The following PRKN variants were observed in gnomAD, a reference collection of about 807,000 sequenced individuals.
The protein encoded by PRKN is parkin RBR E3 ubiquitin protein ligase.
Under a neutral mutation model 59.5 loss-of-function variants are expected in PRKN, and 56 were observed. The observed-to-expected ratio is 0.94, with a 90% CI of 0.76 to 1.18. PRKN has a LOEUF of 1.18. Among genes scored for constraint, PRKN ranks in the 50% most tolerant of loss-of-function variants. The probability of loss-of-function intolerance (pLI) is 0.00; values close to 1 mark genes in which losing one functional copy is unlikely to be tolerated. For synonymous variants in PRKN, 250 were observed against 222.1 expected, an observed-to-expected ratio of 1.13 and a Z score of -1.12; for missense variants, 657 against 596.4, an observed-to-expected ratio of 1.10 and a Z score of -1.06.
At chr6:161,840,315 C>T (rs1268760770) in intron 6 of PRKN, among the ~76,000 whole-genome samples, 2 of 152,192 alleles carry the variant, frequency 1.3e-5, no homozygotes, top group Non-Finnish European at 2.9e-5. Context: ...TGCATTATTG[C>T]AAAGACCGGG....
intron 7 of PRKN, among the ~76,000 whole-genome samples, chr6:161,748,201 T>G (rs181031237): frequency 2.0e-5 from 3 of 152,338 alleles, no homozygotes; most frequent in African/African-American, 7.2e-5. Context: ...AACCCATGCA[T>G]GCACAATGAA....
intron 4 of PRKN, among the ~76,000 whole-genome samples, chr6:162,068,317 T>C (rs944164419): frequency 1.3e-5 from 2 of 152,228 alleles, no homozygotes; most frequent in African/African-American, 2.4e-5. Flanking sequence ...TGAGACATTA[T>C]ACTTGGCATT....
chr6:161,819,818 T>C (rs765367302), intron 6 of PRKN, among the ~76,000 whole-genome samples: 29 of 152,174 alleles, frequency 1.9e-4, no homozygotes, highest in Non-Finnish European at 3.4e-4. Context: ...GTCCAATCAC[T>C]AAGCATAGCA....
intron 7 of PRKN, among the ~76,000 whole-genome samples, chr6:161,678,452 C>T (rs1411787430): frequency 6.6e-6 from 1 of 150,908 alleles, no homozygotes; most frequent in Non-Finnish European, 1.5e-5. Context: ...AAATTAAGAG[C>T]ATAAAAAGTT....
At chr6:162,662,266 C>CT (rs765923082) in intron 1 of PRKN, among the ~76,000 whole-genome samples, 134 of 137,666 alleles carry the variant, frequency 9.7e-4, no homozygotes, top group East Asian at 2.3e-3. Context: ...AATGAGGTTA[C>CT]TTTTTTTTTT....
At chr6:162,273,203 C>T (rs534449002) in intron 2 of PRKN, among the ~76,000 whole-genome samples, 18 of 151,974 alleles carry the variant, frequency 1.2e-4, no homozygotes, top group East Asian at 5.8e-4. Flanking sequence ...AAAGGAAAAT[C>T]GAAGTTAGTG....
chr6:162,605,179 C>G (rs970860050), intron 1 of PRKN, among the ~76,000 whole-genome samples: 1 of 151,800 alleles, frequency 6.6e-6, no homozygotes. Flanking sequence ...ATTTTCTAAC[C>G]CTGAATATGA....
chr6:161,956,642 T>A (rs1780180187), intron 6 of PRKN, among the ~76,000 whole-genome samples: 1 of 152,204 alleles, frequency 6.6e-6, no homozygotes, highest in Admixed American at 6.5e-5. Flanking sequence ...TGAAATTTAT[T>A]CTTTAATTTC....
intron 5 of PRKN, among the ~76,000 whole-genome samples, chr6:162,034,186 TA>T (rs1783752376): frequency 1.5e-5 from 2 of 133,286 alleles, no homozygotes; most frequent in Non-Finnish European, 3.1e-5. Flanking sequence ...TATATATATA[TA>T]GAGAGAGAGA....
intron 7 of PRKN, among the ~76,000 whole-genome samples, chr6:161,643,427 T>C (rs187269933): frequency 5.8e-4 from 88 of 152,346 alleles, no homozygotes; most frequent in Admixed American, 1.7e-3. Flanking sequence ...CTCTTCTATA[T>C]ACATTGCTAG....
At chr6:161,436,068 G>A (rs1183368863) in intron 9 of PRKN, among the ~76,000 whole-genome samples, 1 of 86,730 alleles carries the variant, frequency 1.2e-5, no homozygotes, top group Non-Finnish European at 2.3e-5. Flanking sequence ...GGATGGGAGG[G>A]CAGAGATGAA....
chr6:161,430,933 CGA>C (rs1788617771), intron 9 of PRKN, among the ~76,000 whole-genome samples: 2 of 150,992 alleles, frequency 1.3e-5, no homozygotes, highest in Admixed American at 6.6e-5. Flanking sequence ...GTCAGAAGTT[CGA>C]GACCAGCCTG....
chr6:162,548,737 G>A (rs1018402480), intron 1 of PRKN, among the ~76,000 whole-genome samples: 1 of 152,128 alleles, frequency 6.6e-6, no homozygotes, highest in African/African-American at 2.4e-5. Context: ...CTTGATGAAC[G>A]AGTCTAATAA....
intron 7 of PRKN, among the ~76,000 whole-genome samples, chr6:161,672,810 T>C (rs1784957280): frequency 6.6e-6 from 1 of 152,134 alleles, no homozygotes; most frequent in Non-Finnish European, 1.5e-5. Flanking sequence ...TAAAATACGA[T>C]GAAATAAGGC....
intron 6 of PRKN, among the ~76,000 whole-genome samples, chr6:161,959,012 C>T (rs1583406046): frequency 6.6e-6 from 1 of 152,090 alleles, no homozygotes; most frequent in African/African-American, 2.4e-5. Context: ...GTATCAGTTC[C>T]CTTTGCATTA....
intron 1 of PRKN, among the ~76,000 whole-genome samples, chr6:162,463,004 G>A (rs1343866517): frequency 1.3e-5 from 2 of 152,054 alleles, no homozygotes; most frequent in Non-Finnish European, 2.9e-5. Flanking sequence ...TGAGGCGGGA[G>A]GTTGCAGTGA....
chr6:162,427,906 A>G (rs755028690), intron 2 of PRKN, among the ~76,000 whole-genome samples: 37 of 152,308 alleles, frequency 2.4e-4, no homozygotes, highest in Non-Finnish European at 4.7e-4. Flanking sequence ...AGTTCAGGAT[A>G]ATAGTTACCT....
At chr6:161,683,168 G>A (rs1038081628) in intron 7 of PRKN, among the ~76,000 whole-genome samples, 1 of 152,160 alleles carries the variant, frequency 6.6e-6, no homozygotes, top group Admixed American at 6.5e-5. Flanking sequence ...CTATGAGGAG[G>A]CAGAAGGGAA....
chr6:161,446,805 CTCTTTGGATTTCTTT>C lies in PRKN; in HGVS notation c.1084-59943_1084-59929del, dbSNP rs1181730843. Reference sequence around the variant, plus strand: ...GAGGTGGCAACTGCAGAACAGACAGCTCTTTGGATTTCTTTAAATTGCCATTTAATTCCATCCATC... The same window carrying C: ...GAGGTGGCAACTGCAGAACAGACAGCAAATTGCCATTTAATTCCATCCATC... On this transcript the variant is annotated intron_variant, in intron 9 of 11. Transcript: ENST00000366898. The surrounding 1 kb of genome is among the most constrained non-coding windows in gnomAD (Gnocchi z 6.2). Among the ~76,000 whole-genome samples, 1 of 152,168 alleles carries C rather than the reference CTCTTTGGATTTCTTT, an allele frequency of 6.6e-6. No homozygotes were observed. Among genetic ancestry groups the C allele is most frequent in the Non-Finnish European group, 1.5e-5 (1 of 68,026 alleles).
Sources: gnomAD v4.1 joint callset for allele counts (sites outside exome capture counted in the v4.1 genomes callset) on GRCh38, gnomAD v4.1.1 for gene constraint, Gnocchi (gnomAD v3.1) non-coding constraint, MANE v1.5 for transcripts, NCBI Gene and HGNC (gene_info 2026-07-23, HGNC 2026-07-21) for gene names.